The following RYR2 variants were observed in gnomAD, a reference collection of about 807,000 sequenced individuals.
RYR2 encodes cardiac muscle ryanodine receptor-calcium release channel.
In RYR2, 227 loss-of-function variants were observed where a neutral mutation model predicts 601.1. That is an observed-to-expected ratio of 0.38 (90% CI 0.34 to 0.42). RYR2 has a LOEUF of 0.42. Among genes scored for constraint, RYR2 ranks in the 10% least tolerant of loss-of-function variants. The probability of loss-of-function intolerance (pLI) is 1.00; values close to 1 mark genes in which losing one functional copy is unlikely to be tolerated. For missense variants in RYR2, 4,646 were observed against 6,156.5 expected (o/e 0.75, Z 8.21); for synonymous variants, 2,223 against 2,175.1 (o/e 1.02, Z -0.61).
At chr1:237,633,763 AT>A in intron 43 of RYR2, 53 bp downstream of exon 43, 1 of 1,512,626 alleles carries the variant, frequency 6.6e-7, no homozygotes, top group South Asian at 1.3e-5. Context: ...ATAATATTAC[AT>A]TTAAAAAGCA....
chr1:237,126,012 G>A (rs182866122), intron 1 of RYR2, among the ~76,000 whole-genome samples: 12 of 152,284 alleles, frequency 7.9e-5, no homozygotes, highest in South Asian at 2.1e-4. Flanking sequence ...CGAGGCGGGC[G>A]GATCACCTGA....
Position 237,833,294 on chromosome 1 carries a change from CG to C in RYR2, c.*650del, listed in dbSNP as rs1393034621. On this transcript the variant is annotated 3_prime_UTR_variant, in exon 105 of 105. Transcript: ENST00000366574. ...TGCACTTAAAAAGAAAAAAAAAAAACGGGTGGTGTGTCTCAGGACAAAAGGA... is the reference window on the plus strand; with the variant it reads ...TGCACTTAAAAAGAAAAAAAAAAAACGGTGGTGTGTCTCAGGACAAAAGGA... The C allele has an allele frequency of 2.0e-5, 2 of 101,664 alleles. No homozygotes were observed. Among genetic ancestry groups the C allele is most frequent in the East Asian group, 2.5e-4 (1 of 3,970 alleles). 6.3% of individuals were successfully genotyped at this position (101,664 alleles called of 1,614,324 possible).
intron 19 of RYR2, among the ~76,000 whole-genome samples, chr1:237,493,440 C>T (rs1050972830): frequency 6.6e-6 from 1 of 152,078 alleles, no homozygotes; most frequent in Non-Finnish European, 1.5e-5. Context: ...AAACACTATC[C>T]TTCAATATCA....
At chr1:237,551,290 G>A (rs1414712348) in intron 27 of RYR2, among the ~76,000 whole-genome samples, 1 of 152,152 alleles carries the variant, frequency 6.6e-6, no homozygotes, top group African/African-American at 2.4e-5. Context: ...AGCAGTTTGG[G>A]AGGCTGAGGC....
At position 237,140,774 on chromosome 1, in the gene RYR2, T is replaced by G. The variant is rs57865888; in HGVS notation, c.48+98205T>G. ...CATTACAGGTGTCTTTGACTTACCT[T>G]GGACCATAGGATTTCTCTGGAGTAT... On this transcript the variant is annotated intron_variant, in intron 1 of 104. Transcript: ENST00000366574. Among the ~76,000 whole-genome samples the G allele has an allele frequency of 5.0e-3, 756 of 152,324 alleles. 4 individuals carry two copies. The highest frequency in any genetic ancestry group is 0.017 in the African/African-American group (706 of 41,568).
intron 29 of RYR2, among the ~76,000 whole-genome samples, chr1:237,579,844 A>G (rs1388004549): frequency 6.6e-6 from 1 of 152,220 alleles, no homozygotes; most frequent in Non-Finnish European, 1.5e-5. Flanking sequence ...TACAGAATAT[A>G]TCATACCGAA....
At chr1:237,539,903 A>C (rs2148017887) in intron 25 of RYR2, among the ~76,000 whole-genome samples, 1 of 141,630 alleles carries the variant, frequency 7.1e-6, no homozygotes, top group Admixed American at 7.2e-5. Flanking sequence ...CATGTACCCC[A>C]GAACTTAGAA....
chr1:237,411,983 G>A (rs1486541891), intron 10 of RYR2, among the ~76,000 whole-genome samples: 4 of 152,054 alleles, frequency 2.6e-5, no homozygotes, highest in African/African-American at 9.7e-5. Flanking sequence ...AGAATTGTGT[G>A]CCCTATAAAA....
chr1:237,412,736 C>T (rs1211786721), intron 10 of RYR2, among the ~76,000 whole-genome samples: 2 of 152,098 alleles, frequency 1.3e-5, no homozygotes, highest in Non-Finnish European at 2.9e-5. Flanking sequence ...ATTAAAATCC[C>T]TTGTGATGAT....
intron 10 of RYR2, among the ~76,000 whole-genome samples, chr1:237,416,096 T>C (rs1023276451): frequency 6.6e-6 from 1 of 152,144 alleles, no homozygotes; most frequent in African/African-American, 2.4e-5. Context: ...GTTTCCACAG[T>C]GTTAAAAAGA....
rs187258991 is a variant in RYR2 at position 237,187,224 on chromosome 1, G to A, written c.49-83273G>A. Among the ~76,000 whole-genome samples the A allele has an allele frequency of 2.6e-5, 4 of 151,120 alleles. 1 individual carries two copies. Among genetic ancestry groups the A allele is most frequent in the East Asian group, 3.9e-4 (2 of 5,092 alleles). On this transcript the variant is annotated intron_variant, in intron 1 of 104. Transcript: ENST00000366574. ...CTCACTCTGTCGCTCAGGCTGGAGTGCAGTGGCGTGATCTCAGCTCACTGC... is the reference window on the plus strand; with the variant it reads ...CTCACTCTGTCGCTCAGGCTGGAGTACAGTGGCGTGATCTCAGCTCACTGC...
At chr1:237,115,238 C>A (rs554184799) in intron 1 of RYR2, among the ~76,000 whole-genome samples, 21 of 64,370 alleles carry the variant, frequency 3.3e-4, no homozygotes, top group South Asian at 1.5e-3. Context: ...GAAACCACAC[C>A]CCCCCCCTTG....
At chr1:237,446,040 C>T (rs536938693) in intron 14 of RYR2, among the ~76,000 whole-genome samples, 3 of 152,282 alleles carry the variant, frequency 2.0e-5, no homozygotes, top group East Asian at 1.9e-4. Flanking sequence ...TGAACTCGAT[C>T]TCTTGACCTC....
At chr1:237,629,336 G>T (rs1215368064) in intron 41 of RYR2, among the ~76,000 whole-genome samples, 1 of 151,680 alleles carries the variant, frequency 6.6e-6, no homozygotes, top group Non-Finnish European at 1.5e-5. Context: ...ATATATGCAC[G>T]CAGGAAATCT....
chr1:237,780,293 G>A lies in RYR2; in HGVS notation c.11881-1272G>A, dbSNP rs140657080. 7.2e-5 allele frequency among the ~76,000 whole-genome samples: 11 copies of A among 152,274 alleles called. No homozygotes were observed. In the East Asian group the frequency reaches 2.1e-3, roughly 29 times the overall value. ...ATTCCAGTCTTTCATTTAATCACTA[G>A]GGATATTTTGGTAAGTAAAGGAAAC... On this transcript the variant is annotated intron_variant, in intron 88 of 104. Coordinates refer to ENST00000366574, the MANE Select transcript of RYR2 (RefSeq NM_001035.3).
intron 8 of RYR2, among the ~76,000 whole-genome samples, chr1:237,385,351 G>T (rs985453841): frequency 6.6e-6 from 1 of 152,074 alleles, no homozygotes; most frequent in Non-Finnish European, 1.5e-5. Flanking sequence ...AATGTTTGAG[G>T]TGATAGATAT....
rs790904 is a variant in RYR2, at chr1:237,791,245, G to C, written c.13477-184G>C. 0.55 allele frequency among the ~76,000 whole-genome samples: 84,215 copies of C among 151,964 alleles called. 25,399 individuals carry two copies. The highest frequency in any genetic ancestry group is 0.88 in the East Asian group (4,526 of 5,166). ...TTGCGGGTATGCTTTTTTATTCTTT[G>C]TCTCCTCCATGGTGGCAGAAATGTT... is the stretch of plus-strand genomic sequence containing the variant. On this transcript the variant is annotated intron_variant, in intron 92 of 104. Transcript: ENST00000366574.
At chr1:237,136,852 C>T (rs1174425421) in intron 1 of RYR2, among the ~76,000 whole-genome samples, 2 of 151,814 alleles carry the variant, frequency 1.3e-5, no homozygotes, top group African/African-American at 4.8e-5. Flanking sequence ...CCCATCTCTA[C>T]TAAAAATACA....
At chr1:237,690,433 G>A (rs1451790311) in intron 63 of RYR2, among the ~76,000 whole-genome samples, 3 of 152,178 alleles carry the variant, frequency 2.0e-5, no homozygotes, top group Non-Finnish European at 4.4e-5. Flanking sequence ...GCTATGTAAA[G>A]TGTAACCTTA....
Sources: allele counts gnomAD v4.1 joint callset (sites outside exome capture counted in the v4.1 genomes callset), GRCh38; gene constraint gnomAD v4.1.1; transcripts MANE v1.5; gene names NCBI Gene and HGNC (gene_info 2026-07-23, HGNC 2026-07-21).